The following GPC1 variants were observed in gnomAD, a reference collection of about 807,000 sequenced individuals.
The protein encoded by GPC1 is glypican-1.
GPC1 carries 26 observed loss-of-function variants against 51.5 expected under a neutral mutation model. The observed-to-expected ratio is 0.50, with a 90% CI of 0.37 to 0.70. The LOEUF (loss-of-function observed/expected upper bound fraction) is 0.70, where lower values mean the gene tolerates loss of function less well. GPC1 is among the 30% of genes least tolerant of loss of function. GPC1 has a pLI of 0.00. For synonymous variants in GPC1, 380 were observed against 348.3 expected, an observed-to-expected ratio of 1.09 and a Z score of -1.01; for missense variants, 775 against 800.5, an observed-to-expected ratio of 0.97 and a Z score of 0.38.
In GPC1 at chr2:240,435,881, G is replaced by C; in HGVS notation, c.-38G>C. 8.3e-7 allele frequency: 1 copy of C among 1,204,232 alleles called. No homozygotes were observed. The highest frequency in any genetic ancestry group is 1.0e-6 in the Non-Finnish European group (1 of 964,442). 74.6% of individuals were successfully genotyped at this position (1,204,232 alleles called of 1,614,324 possible). ...CAGGACCCGGCCAGGATCCGAGAGA[G>C]GCGCGGGCGGGTGGCCGGGGGCGCC... On this transcript the variant is annotated 5_prime_UTR_variant, in exon 1 of 9. Coordinates refer to ENST00000264039, the MANE Select transcript of GPC1 (RefSeq NM_002081.3).
At chr2:240,449,801 C>G (rs764923497) in intron 1 of GPC1, 1 of 467,208 alleles carries the variant, frequency 2.1e-6, no homozygotes, top group Non-Finnish European at 4.4e-6. Context: ...CGAGTCTTGC[C>G]GTATCTGTCC....
rs767200019 is a variant in GPC1 at position 240,462,332 on chromosome 2, A to G, written c.467A>G (p.Asn156Ser). The G allele has an allele frequency of 6.2e-7, 1 of 1,603,310 alleles. No individual in the cohort carries two copies. Among genetic ancestry groups the G allele is most frequent in the Non-Finnish European group, 8.5e-7 (1 of 1,175,676 alleles). ...SELRLYYRGA[N>S]LHLEETLAEF... The stretch of plus-strand genomic sequence containing the variant: ...CTGCGCCTGTACTACCGCGGTGCCA[A>G]CCTGCACCTGGAGGAGACGCTGGCC... The change falls in exon 3 of 9, where the codon AAC (asparagine) becomes AGC (serine). Residue 156 changes from asparagine (N) to serine (S), a missense_variant. Asn to Ser is a conservative substitution (Grantham distance 46). Transcript: ENST00000264039.
intron 1 of GPC1, among the ~76,000 whole-genome samples, chr2:240,437,482 C>T (rs547236397): frequency 6.6e-6 from 1 of 152,330 alleles, no homozygotes; most frequent in East Asian, 1.9e-4. Flanking sequence ...TGCAAGGACC[C>T]CTCCAAAGTC....
At chr2:240,457,451 C>G (rs1410074006) in intron 1 of GPC1, 1 of 470,612 alleles carries the variant, frequency 2.1e-6, no homozygotes, top group Admixed American at 2.3e-5. Context: ...TCAGTCTGAC[C>G]CAGGCATTCA....
In GPC1 at chr2:240,436,285, C is replaced by T. The variant is rs2073983619; in HGVS notation, c.166+201C>T. Among the ~76,000 whole-genome samples the T allele has an allele frequency of 2.0e-5, 3 of 152,086 alleles. No individual in the cohort carries two copies. The South Asian group carries it at 6.2e-4, about 31-fold the overall frequency. Reference sequence around the variant, plus strand: ...CTCCAAGCCCCGCGCCGCACTCCCTCGCCAGGGTCTCCTCCGCCCCGCTCG... The same window carrying T: ...CTCCAAGCCCCGCGCCGCACTCCCTTGCCAGGGTCTCCTCCGCCCCGCTCG... On this transcript the variant is annotated intron_variant, in intron 1 of 8. Coordinates refer to ENST00000264039, the MANE Select transcript of GPC1 (RefSeq NM_002081.3).
rs2073980191 is a variant in GPC1 at position 240,435,910 on chromosome 2, G to C, written c.-9G>C. The C allele has an allele frequency of 3.3e-5, 41 of 1,237,454 alleles. No individual in the cohort carries two copies. Among genetic ancestry groups the C allele is most frequent in the Non-Finnish European group, 4.1e-5 (41 of 990,158 alleles). 76.7% of individuals were successfully genotyped at this position (1,237,454 alleles called of 1,614,324 possible). On this transcript the variant is annotated 5_prime_UTR_variant, in exon 1 of 9. Transcript: ENST00000264039. The stretch of plus-strand genomic sequence containing the variant: ...CGGGCGGGTGGCCGGGGGCGCCGCC[G>C]GCCCCGCCATGGAGCTCCGGGCCCG...
At chr2:240,439,348 A>C (rs1319176636) in intron 1 of GPC1, among the ~76,000 whole-genome samples, 1 of 152,076 alleles carries the variant, frequency 6.6e-6, no homozygotes, top group East Asian at 1.9e-4. Flanking sequence ...CCCTGTTCTC[A>C]GGGTCTCCCA....
At position 240,466,212 on chromosome 2, in the gene GPC1, C is replaced by G. The variant is rs1425458296; in HGVS notation, c.1599C>G (p.Ser533Arg). 6.2e-7 allele frequency: 1 copy of G among 1,612,764 alleles called. No individual in the cohort carries two copies. The highest frequency in any genetic ancestry group is 8.5e-7 in the Non-Finnish European group (1 of 1,179,284). Residue 533 changes from serine (S) to arginine (R), a missense_variant, in exon 9 of 9, where the codon AGC becomes AGG. By Grantham distance (110) the Ser-to-Arg change is moderately radical (BLOSUM62 -1). Transcript: ENST00000264039. ...EQEGQKTSAASCPQPPTFLLP... is the reference protein window; with the variant it reads ...EQEGQKTSAARCPQPPTFLLP... ...AAGGACAGAAGACCTCGGCTGCCAGCTGCCCCCAGCCCCCGACCTTCCTCC... is the reference window on the plus strand; with the variant it reads ...AAGGACAGAAGACCTCGGCTGCCAGGTGCCCCCAGCCCCCGACCTTCCTCC...
At chr2:240,459,931 CCGG>C (rs2074202877) in intron 2 of GPC1, among the ~76,000 whole-genome samples, 2 of 152,208 alleles carry the variant, frequency 1.3e-5, no homozygotes, top group South Asian at 4.1e-4. Context: ...GCCCCTGTGT[CCGG>C]GCGGAGCCAG....
intron 1 of GPC1, chr2:240,455,914 C>T (rs1049055318): frequency 1.5e-5 from 5 of 324,650 alleles, no homozygotes; most frequent in East Asian, 1.5e-4. Context: ...CAGCCTGCAG[C>T]GGGCCTCAGG....
intron 1 of GPC1, among the ~76,000 whole-genome samples, chr2:240,439,849 C>T (rs1310067850): frequency 1.3e-5 from 2 of 152,208 alleles, no homozygotes; most frequent in Admixed American, 6.5e-5. Flanking sequence ...GCTCTTCCCT[C>T]CATGAGAGGA....
chr2:240,454,200 C>T (rs1485214921), intron 1 of GPC1, among the ~76,000 whole-genome samples: 2 of 152,146 alleles, frequency 1.3e-5, no homozygotes. Flanking sequence ...GCCAAGGCTG[C>T]CTCTGGCTCA....
Position 240,462,862 on chromosome 2 carries a change from G to A in GPC1, c.717+280G>A, listed in dbSNP as rs1394832536. 2.6e-5 allele frequency among the ~76,000 whole-genome samples: 4 copies of A among 152,152 alleles called. 1 individual carries two copies. The highest frequency in any genetic ancestry group is 1.3e-4 in the Admixed American group (2 of 15,282). ...AGGATGGGAAGGGCCAGGGGCTGGG[G>A]CTGGACGCTGAGCCAGGCTGTGGAG... On this transcript the variant is annotated intron_variant, in intron 3 of 8. Transcript: ENST00000264039.
Position 240,459,184 on chromosome 2 carries a change from C to T in GPC1, c.321C>T (p.Phe107=), listed in dbSNP as rs1219547806. Residue 107 remains phenylalanine, a synonymous_variant, in exon 2 of 9, where the codon TTC becomes TTT. Transcript: ENST00000264039. ...TGCTTGCCACCCAGCTGCGCAGCTTCGATGGTGAGTGCCTCCCACGGGCGC... is the reference window on the plus strand; with the variant it reads ...TGCTTGCCACCCAGCTGCGCAGCTTTGATGGTGAGTGCCTCCCACGGGCGC... ...QAMLATQLRS[F]DDHFQHLLND... is the part of the protein sequence containing the mutation. 3.1e-6 allele frequency: 5 copies of T among 1,611,352 alleles called. No homozygotes were observed. The African/African-American group carries it at 5.3e-5, about 17-fold the overall frequency.
chr2:240,463,767 A>G (rs2074236942), intron 4 of GPC1: 1 of 536,688 alleles, frequency 1.9e-6, no homozygotes, highest in Non-Finnish European at 3.3e-6. Context: ...GTCCTTCCCC[A>G]CTTAGCAAGC....
At chr2:240,436,949 A>G (rs1193441032) in intron 1 of GPC1, among the ~76,000 whole-genome samples, 1 of 152,234 alleles carries the variant, frequency 6.6e-6, no homozygotes, top group African/African-American at 2.4e-5. Context: ...CTTTGGGGAC[A>G]GAAGTGTACG....
At chr2:240,462,129 T>C in intron 2 of GPC1, 62 bp from the exon 3 acceptor site, 1 of 1,464,088 alleles carries the variant, frequency 6.8e-7, no homozygotes, top group Non-Finnish European at 9.2e-7. Flanking sequence ...AGTCCCCTGC[T>C]CTGGTCCAGC....
chr2:240,450,722 T>C (rs1008113849), intron 1 of GPC1: 8 of 468,586 alleles, frequency 1.7e-5, no homozygotes, highest in African/African-American at 1.6e-4. Flanking sequence ...CAGTGGGTCG[T>C]GTTCGCTCCA....
In GPC1 at chr2:240,453,083, G is replaced by A. The variant is rs117203623; in HGVS notation, c.167-5947G>A. 939 of 301,174 alleles carry A rather than the reference G, an allele frequency of 3.1e-3. 34 individuals carry two copies. In the East Asian group the frequency reaches 0.098, roughly 31 times the overall value. The allele number at this position is 301,174 out of a possible 1,614,324, so 18.7% of individuals were successfully genotyped here. ...CGAGGACCTCTCCCGCAGCGCCACC[G>A]TACCCGCATCCGCAGGCGCGCCACC... On this transcript the variant is annotated intron_variant, in intron 1 of 8. Coordinates refer to ENST00000264039, the MANE Select transcript of GPC1 (RefSeq NM_002081.3).
Sources: allele counts gnomAD v4.1 joint callset (sites outside exome capture counted in the v4.1 genomes callset), GRCh38; gene constraint gnomAD v4.1.1; transcripts MANE v1.5; gene names NCBI Gene and HGNC (gene_info 2026-07-23, HGNC 2026-07-21).